MYH7: variants seen among roughly 807,000 people sequenced by gnomAD.
MYH7 encodes the protein myosin-7.
A neutral mutation model predicts 225.4 loss-of-function variants in MYH7; 129 were observed. That is an observed-to-expected ratio of 0.57 (90% confidence interval 0.50 to 0.66). The LOEUF (loss-of-function observed/expected upper bound fraction) is 0.66. Ranked by LOEUF, MYH7 falls within the 30% of genes least tolerant of loss-of-function variation. The pLI, the probability that MYH7 is intolerant of heterozygous loss-of-function variation, is 0.00. For missense variants in MYH7, 1,649 were observed against 2,517.0 expected, an observed-to-expected ratio of 0.66 and a Z score of 7.38; for synonymous variants, 971 against 1,007.6, an observed-to-expected ratio of 0.96 and a Z score of 0.69.
At chr14:23,431,336 G>C in intron 9 of MYH7, 82 bp downstream of exon 9, 17 of 1,349,690 alleles carry the variant, frequency 1.3e-5, no homozygotes, top group Non-Finnish European at 1.8e-5. Flanking sequence ...GAGGGAGGGA[G>C]GGGAGAGAGA....
At chr14:23,432,341 G>T in intron 6 of MYH7, 138 bp downstream of exon 6, 1 of 1,046,512 alleles carries the variant, frequency 9.6e-7, no homozygotes, top group Non-Finnish European at 1.5e-6. Context: ...TCAGGGTAAT[G>T]GTCAGAGAAG....
At chr14:23,428,406 T>A (rs1892782468) in intron 15 of MYH7, 94 bp downstream of exon 15, 2 of 1,589,034 alleles carry the variant, frequency 1.3e-6, no homozygotes, top group South Asian at 2.2e-5. Context: ...CTTCTATTTT[T>A]ATATTCCCCA....
Position 23,427,745 on chromosome 14 carries a change from G to A in MYH7, c.1728C>T (p.His576=). The change falls in exon 16 of 40, where the codon CAC becomes CAT. Residue 576 remains histidine, a synonymous_variant. Coordinates refer to ENST00000355349, the MANE Select transcript of MYH7 (RefSeq NM_000257.4). The stretch of plus-strand genomic sequence containing the variant: ...TGCCGGCATAGTGGATCAGGGAGAA[G>A]TGGGCTTCAGGCTTCCCCTTGATAT... ...PRNIKGKPEA[H]FSLIHYAGIV... The A allele has an allele frequency of 1.9e-6, 3 of 1,614,242 alleles. No individual in the cohort carries two copies. The highest frequency in any genetic ancestry group is 2.5e-6 in the Non-Finnish European group (3 of 1,180,038).
In MYH7 at chr14:23,413,831, T is replaced by G. The variant is rs45523233; in HGVS notation, c.5718A>C (p.Ala1906=). 2.6e-4 allele frequency: 420 copies of G among 1,614,150 alleles called. No homozygotes were observed. Among genetic ancestry groups the G allele is most frequent in the Non-Finnish European group, 3.3e-4 (388 of 1,180,058 alleles). ...ACTCGGCGATGTCCGCCCGCTCCTC[T>G]GCCTCATCCAGCTCGTGCTGCACCT... The part of the protein sequence containing the change: ...FRKVQHELDE[A]EERADIAESQ... Residue 1906 remains alanine, a synonymous_variant, in exon 39 of 40, where the codon GCA becomes GCC. Coordinates refer to ENST00000355349, the MANE Select transcript of MYH7 (RefSeq NM_000257.4).
In MYH7 at chr14:23,415,919, TA is replaced by T. The variant is rs1892183076; in HGVS notation, c.4953+84del. 1 of 1,613,144 alleles carries T rather than the reference TA, an allele frequency of 6.2e-7. No homozygotes were observed. Among genetic ancestry groups the T allele is most frequent in the East Asian group, 2.2e-5 (1 of 44,880 alleles). On this transcript the variant is annotated intron_variant, in intron 34 of 39. Transcript: ENST00000355349. This position sits in a 1 kb window ranked among gnomAD's most constrained non-coding sequence, Gnocchi z 6.3. ...CCTGTCAGAGGTCCCTGCAGTAACCTAGGGGCAGGAGGAATCTGGTGCCTGT... is the reference window on the plus strand; with the variant it reads ...CCTGTCAGAGGTCCCTGCAGTAACCTGGGGCAGGAGGAATCTGGTGCCTGT...
intron 29 of MYH7, 79 bp from the exon 30 acceptor site, chr14:23,418,485 A>C (rs1215228836): frequency 6.9e-7 from 1 of 1,457,962 alleles, no homozygotes; most frequent in Non-Finnish European, 9.1e-7. Flanking sequence ...TCCTCACCCC[A>C]ATCTCAACAT....
intron 5 of MYH7, 62 bp from the exon 6 acceptor site, chr14:23,432,568 T>C (rs960977005): frequency 1.2e-6 from 2 of 1,614,146 alleles, no homozygotes; most frequent in Admixed American, 3.3e-5. Context: ...GTGGGGCTTC[T>C]CCCTTCCTTC....
Position 23,417,606 on chromosome 14 carries a change from G to C in MYH7, c.4250C>G (p.Thr1417Ser). The change falls in exon 31 of 40, where the codon ACC becomes AGC. Residue 1417 changes from threonine (T) to serine (S), a missense_variant. Coordinates refer to ENST00000355349, the MANE Select transcript of MYH7 (RefSeq NM_000257.4). ...GATCTCATTCTGTAGCCGGTGCTTG[G>C]TCTTCTCCAGCGAGGAGCACTTGGC... is the stretch of plus-strand genomic sequence containing the variant. ...VNAKCSSLEKTKHRLQNEIED... is the reference protein window; with the variant it reads ...VNAKCSSLEKSKHRLQNEIED... The C allele has an allele frequency of 6.2e-7, 1 of 1,612,848 alleles. No individual in the cohort carries two copies.
intron 30 of MYH7, chr14:23,417,941 C>G (rs1173472521): frequency 4.6e-6 from 4 of 867,868 alleles, no homozygotes; most frequent in South Asian, 4.0e-5. Context: ...GCAGCCCTCC[C>G]CACTGCCTTT....
At chr14:23,432,446 T>G in intron 6 of MYH7, 33 bp downstream of exon 6, 1 of 1,613,662 alleles carries the variant, frequency 6.2e-7, no homozygotes, top group Non-Finnish European at 8.5e-7. Flanking sequence ...TCAGGGAGAT[T>G]CTGAAAGGGA....
chr14:23,417,829 G>T, intron 30 of MYH7, 143 bp from the exon 31 acceptor site: 1 of 1,179,012 alleles, frequency 8.5e-7, no homozygotes, highest in Non-Finnish European at 1.2e-6. Context: ...CCCAGGGGCC[G>T]AGAACATCAG....
chr14:23,416,049 G>A lies in MYH7; in HGVS notation c.4908C>T (p.Ala1636=), dbSNP rs150241539. The A allele has an allele frequency of 1.8e-5, 29 of 1,614,056 alleles. No individual in the cohort carries two copies. The Middle Eastern group carries it at 4.9e-4, about 27-fold the overall frequency. ...EIQLSHANRM[A]AEAQKQVKSL... ...TCTTGACTTGCTTCTGGGCCTCGGC[G>A]GCCATGCGGTTGGCGTGGCTGAGCT... The change falls in exon 34 of 40, where the codon GCC becomes GCT. Residue 1636 remains alanine, a synonymous_variant. Coordinates refer to ENST00000355349, the MANE Select transcript of MYH7 (RefSeq NM_000257.4).
Position 23,433,541 on chromosome 14 carries a change from C to T in MYH7, c.192G>A (p.Glu64=). 1.2e-6 allele frequency: 2 copies of T among 1,614,070 alleles called. No homozygotes were observed. Among genetic ancestry groups the T allele is most frequent in the Non-Finnish European group, 1.7e-6 (2 of 1,180,026 alleles). The change falls in exon 3 of 40, where the codon GAG becomes GAA. Residue 64 remains glutamate (E), a synonymous_variant. Transcript: ENST00000355349. This position sits in a 1 kb window ranked among gnomAD's most constrained non-coding sequence, Gnocchi z 4.1. The part of the protein sequence containing the change: ...REGGKVTAET[E]YGKTVTVKED... ...TCAGCCTGACACCCACCTTGCCATA[C>T]TCGGTCTCGGCAGTGACTTTGCCAC...
chr14:23,422,177 T>A lies in MYH7; in HGVS notation c.3245+3A>T, dbSNP rs727505355. 19 of 1,612,592 alleles carry A rather than the reference T, an allele frequency of 1.2e-5. No homozygotes were observed. The highest frequency in any genetic ancestry group is 1.5e-5 in the Non-Finnish European group (18 of 1,180,030). On this transcript the variant is annotated splice_donor_region_variant and intron_variant, in intron 25 of 39. Coordinates refer to ENST00000355349, the MANE Select transcript of MYH7 (RefSeq NM_000257.4). ...GAAGGGCAGCAGGGAGGGGACACAG[T>A]ACTTTTTCAGCCGCTCATCCAGCTG... is the stretch of plus-strand genomic sequence containing the variant.
chr14:23,413,152 T>C (rs1389177403), intron 39 of MYH7, among the ~76,000 whole-genome samples: 1 of 152,004 alleles, frequency 6.6e-6, no homozygotes, highest in East Asian at 1.9e-4. Flanking sequence ...AGTTACAAGA[T>C]TGCAGGACAA....
At position 23,431,302 on chromosome 14, in the gene MYH7, A is replaced by C. The variant is rs1410798880; in HGVS notation, c.796+116T>G. ...CCTGAAGACAGAGACACCTACAGAC[A>C]GAGACTTAAAGAGGAGAAAAACAGA... On this transcript the variant is annotated intron_variant, in intron 9 of 39. Coordinates refer to ENST00000355349, the MANE Select transcript of MYH7 (RefSeq NM_000257.4). 6.7e-6 allele frequency: 7 copies of C among 1,042,728 alleles called. No individual in the cohort carries two copies. In the East Asian group the frequency reaches 1.7e-4, roughly 25 times the overall value. 64.6% of individuals were successfully genotyped at this position (1,042,728 alleles called of 1,614,324 possible).
rs1001644180 is a variant in MYH7 at position 23,415,566 on chromosome 14, C to G, written c.5158-60G>C. On this transcript the variant is annotated intron_variant, in intron 35 of 39. Transcript: ENST00000355349. This position sits in a 1 kb window ranked among gnomAD's most constrained non-coding sequence, Gnocchi z 6.3. The stretch of plus-strand genomic sequence containing the variant: ...GCATTGAGCATCTATGCATAGCTCT[C>G]AAGCCTTGCTTGCTGAGCCCCAGCC... The G allele has an allele frequency of 6.2e-6, 10 of 1,613,978 alleles. No homozygotes were observed. The highest frequency in any genetic ancestry group is 8.5e-6 in the Non-Finnish European group (10 of 1,180,036).
In MYH7 at chr14:23,433,855, G is replaced by A; in HGVS notation, c.-8-115C>T. On this transcript the variant is annotated intron_variant, in intron 2 of 39. Transcript: ENST00000355349. The surrounding 1 kb of genome is among the most constrained non-coding windows in gnomAD (Gnocchi z 4.1). ...TAGCACCATGCTCAAGAGTCAAGAG[G>A]AGTTACCAGTGAGTCCCTTCCTCTT... 1 of 1,044,246 alleles carries A rather than the reference G, an allele frequency of 9.6e-7. No individual in the cohort carries two copies. The highest frequency in any genetic ancestry group is 2.0e-5 in the Admixed American group (1 of 49,840). The allele number at this position is 1,044,246 out of a possible 1,614,324, so 64.7% of individuals were successfully genotyped here.
intron 29 of MYH7, among the ~76,000 whole-genome samples, chr14:23,418,663 T>A (rs1243384187): frequency 6.6e-6 from 1 of 152,232 alleles, no homozygotes; most frequent in East Asian, 1.9e-4. Flanking sequence ...ACCGCCATTT[T>A]ACCTGGCTGG....
Sources: allele counts gnomAD v4.1 joint callset (sites outside exome capture counted in the v4.1 genomes callset), GRCh38; gene constraint gnomAD v4.1.1; non-coding constraint Gnocchi (gnomAD v3.1); transcripts MANE v1.5; gene names NCBI Gene and HGNC (gene_info 2026-07-23, HGNC 2026-07-21).